The following MAGI1 variants were observed in gnomAD, a reference collection of about 807,000 sequenced individuals.
The protein encoded by MAGI1 is membrane-associated guanylate kinase, WW and PDZ domain-containing protein 1.
In MAGI1, 58 loss-of-function variants were observed where a neutral mutation model predicts 139.9. The observed-to-expected ratio is 0.41, with a 90% confidence interval of 0.34 to 0.52. The LOEUF (loss-of-function observed/expected upper bound fraction) is 0.52. Ranked by LOEUF, MAGI1 falls within the 20% of genes least tolerant of loss-of-function variation. The probability of loss-of-function intolerance (pLI) is 0.12; values close to 1 mark genes in which losing one functional copy is unlikely to be tolerated. For missense variants in MAGI1, 1,874 were observed against 1,901.6 expected (o/e 0.99, Z 0.27); for synonymous variants, 812 against 737.9 (o/e 1.10, Z -1.63).
At chr3:65,565,517 A>G (rs1224348272) in intron 2 of MAGI1, among the ~76,000 whole-genome samples, 1 of 152,188 alleles carries the variant, frequency 6.6e-6, no homozygotes, top group Non-Finnish European at 1.5e-5. Flanking sequence ...CAACTTCTCC[A>G]GTATGACAGT....
intron 1 of MAGI1, among the ~76,000 whole-genome samples, chr3:65,784,275 G>A (rs1218211889): frequency 1.3e-5 from 2 of 152,194 alleles, no homozygotes; most frequent in Admixed American, 6.5e-5. Flanking sequence ...ACATTCCTAG[G>A]AGCAATCCCA....
intron 2 of MAGI1, chr3:65,498,888 G>T: frequency 2.5e-6 from 1 of 398,800 alleles, no homozygotes; most frequent in Non-Finnish European, 3.4e-6. Context: ...CATGTGGCTA[G>T]TGGCTACTGG....
chr3:65,429,139 C>G (rs1439234503), intron 12 of MAGI1, among the ~76,000 whole-genome samples: 1 of 151,758 alleles, frequency 6.6e-6, no homozygotes, highest in Non-Finnish European at 1.5e-5. Flanking sequence ...TATAAAAAAA[C>G]TTTTTAGAGA....
At chr3:66,020,597 G>T (rs1002956361) in intron 1 of MAGI1, among the ~76,000 whole-genome samples, 1 of 152,164 alleles carries the variant, frequency 6.6e-6, no homozygotes, top group Non-Finnish European at 1.5e-5. Context: ...CCCATACGCT[G>T]ATTGAGCCAT....
chr3:65,781,942 C>T (rs2038968512), intron 1 of MAGI1, among the ~76,000 whole-genome samples: 1 of 152,238 alleles, frequency 6.6e-6, no homozygotes, highest in African/African-American at 2.4e-5. Flanking sequence ...AACAGACTCG[C>T]TGGTAAACAG....
chr3:65,982,877 A>T (rs1300139191), intron 1 of MAGI1, among the ~76,000 whole-genome samples: 1 of 152,052 alleles, frequency 6.6e-6, no homozygotes, highest in African/African-American at 2.4e-5. Context: ...AAAAATATAT[A>T]TTTTTGTTTG....
chr3:65,872,732 A>C (rs750532566), intron 1 of MAGI1: 15 of 152,246 alleles, frequency 9.9e-5, no homozygotes, highest in Admixed American at 2.6e-4. Flanking sequence ...TATACAACCA[A>C]TAAAAATGAA....
intron 2 of MAGI1, among the ~76,000 whole-genome samples, chr3:65,592,995 C>T (rs1001725481): frequency 9.2e-5 from 14 of 152,070 alleles, no homozygotes; most frequent in African/African-American, 2.2e-4. Flanking sequence ...GCCTAACAAG[C>T]GCCTACCACA....
At chr3:65,965,297 T>G (rs1468492024) in intron 1 of MAGI1, among the ~76,000 whole-genome samples, 1 of 152,242 alleles carries the variant, frequency 6.6e-6, no homozygotes, top group African/African-American at 2.4e-5. Flanking sequence ...GGGTACCACT[T>G]CTACTATTCC....
intron 1 of MAGI1, among the ~76,000 whole-genome samples, chr3:65,898,947 G>C (rs1049613830): frequency 6.6e-6 from 1 of 151,722 alleles, no homozygotes; most frequent in Non-Finnish European, 1.5e-5. Context: ...TTGAGACTTG[G>C]GTCTCACTCT....
intron 8 of MAGI1, 47 bp from the exon 9 acceptor site, chr3:65,440,059 C>T: frequency 6.2e-7 from 1 of 1,605,558 alleles, no homozygotes; most frequent in Non-Finnish European, 8.5e-7. Context: ...GTTCATCCCA[C>T]CAGCAAAATG....
intron 12 of MAGI1, among the ~76,000 whole-genome samples, chr3:65,406,960 C>A (rs1318065563): frequency 2.0e-5 from 3 of 152,178 alleles, no homozygotes. Flanking sequence ...CTTCTGAGCA[C>A]AATCTCAGAC....
chr3:65,751,676 G>T (rs1041519057), intron 1 of MAGI1, among the ~76,000 whole-genome samples: 1 of 152,194 alleles, frequency 6.6e-6, no homozygotes, highest in Non-Finnish European at 1.5e-5. Flanking sequence ...TGAGTCAAAT[G>T]TGGGCAGTGT....
At chr3:65,777,210 G>T (rs966257767) in intron 1 of MAGI1, among the ~76,000 whole-genome samples, 2 of 152,142 alleles carry the variant, frequency 1.3e-5, no homozygotes, top group Admixed American at 1.3e-4. Context: ...CAGATAATGT[G>T]CTCACTAGCT....
chr3:65,618,971 T>A (rs1016364633), intron 2 of MAGI1, among the ~76,000 whole-genome samples: 12 of 152,202 alleles, frequency 7.9e-5, no homozygotes, highest in African/African-American at 2.9e-4. Context: ...ATGGTAAATA[T>A]AATTAAATTT....
At chr3:65,685,959 C>A (rs1018274436) in intron 1 of MAGI1, among the ~76,000 whole-genome samples, 3 of 152,200 alleles carry the variant, frequency 2.0e-5, no homozygotes, top group Admixed American at 1.3e-4. Context: ...AACACCCTCT[C>A]GCAGCACGGT....
intron 1 of MAGI1, among the ~76,000 whole-genome samples, chr3:65,907,222 A>G (rs17074111): frequency 0.042 from 6,368 of 152,292 alleles, 310 homozygotes; most frequent in East Asian, 0.14. Context: ...TTTCAAATAT[A>G]GCATGATGCA....
At chr3:65,610,801 ATAG>A (rs1271572042) in intron 2 of MAGI1, among the ~76,000 whole-genome samples, 1 of 117,576 alleles carries the variant, frequency 8.5e-6, no homozygotes, top group Non-Finnish European at 1.8e-5. Flanking sequence ...TATAGTATAT[ATAG>A]GTATATATAG....
At chr3:65,550,503 G>A (rs2079770976) in intron 2 of MAGI1, among the ~76,000 whole-genome samples, 2 of 152,272 alleles carry the variant, frequency 1.3e-5, no homozygotes, top group South Asian at 4.1e-4. Context: ...ATCCCAGAGA[G>A]CCCTGTTTGA....
Sources: gnomAD v4.1 joint callset for allele counts (sites outside exome capture counted in the v4.1 genomes callset) on GRCh38, gnomAD v4.1.1 for gene constraint, MANE v1.5 for transcripts, NCBI Gene and HGNC (gene_info 2026-07-23, HGNC 2026-07-21) for gene names.